ZNF804A: variants seen among roughly 807,000 people sequenced by gnomAD.
ZNF804A encodes the protein zinc finger protein 804A.
ZNF804A carries 2 observed loss-of-function variants against 16.5 expected under a neutral mutation model. That is an observed-to-expected ratio of 0.12 (90% CI 0.05 to 0.38). The LOEUF is 0.38. ZNF804A is among the 10% of genes least tolerant of loss of function. ZNF804A has a pLI of 0.99. For synonymous variants in ZNF804A, 534 were observed against 489.6 expected, an observed-to-expected ratio of 1.09 and a Z score of -1.20; for missense variants, 1,473 against 1,390.7, an observed-to-expected ratio of 1.06 and a Z score of -0.94.
At chr2:184,727,871 G>A (rs1559136319) in intron 1 of ZNF804A, among the ~76,000 whole-genome samples, 1 of 151,614 alleles carries the variant, frequency 6.6e-6, no homozygotes, top group Admixed American at 6.6e-5. Flanking sequence ...ATTTCATTTG[G>A]TATTGTTATT....
chr2:184,903,538 C>CA (rs1685219001), intron 2 of ZNF804A, among the ~76,000 whole-genome samples: 1 of 152,084 alleles, frequency 6.6e-6, no homozygotes, highest in Non-Finnish European at 1.5e-5. Flanking sequence ...TGCACAGTGA[C>CA]AAAATCACCT....
chr2:184,850,787 T>G (rs1159786599), intron 1 of ZNF804A, among the ~76,000 whole-genome samples: 1 of 151,808 alleles, frequency 6.6e-6, no homozygotes, highest in Admixed American at 6.6e-5. Flanking sequence ...TTAAAATAAT[T>G]ATATATTAAC....
At chr2:184,767,118 G>C (rs1375406303) in intron 1 of ZNF804A, among the ~76,000 whole-genome samples, 2 of 152,108 alleles carry the variant, frequency 1.3e-5, no homozygotes, top group Non-Finnish European at 2.9e-5. Context: ...CGGCCTCCAA[G>C]ACTGAGGAAT....
At chr2:184,703,708 A>AG (rs2105732624) in intron 1 of ZNF804A, among the ~76,000 whole-genome samples, 2 of 150,188 alleles carry the variant, frequency 1.3e-5, no homozygotes, top group South Asian at 4.2e-4. Flanking sequence ...AAAAAAAAAA[A>AG]AAAAGAAAGA....
In ZNF804A at chr2:184,676,259, T is replaced by C. The variant is rs1692431123; in HGVS notation, c.111+77189T>C. ...TATTAAATATTCTACAGTGAATATA[T>C]GAATTATTTAGCTAGGATATAGATA... On this transcript the variant is annotated intron_variant, in intron 1 of 3. Transcript: ENST00000302277. Among the ~76,000 whole-genome samples, 2 of 151,552 alleles carry C rather than the reference T, an allele frequency of 1.3e-5. 1 individual carries two copies. The highest frequency in any genetic ancestry group is 4.8e-5 in the African/African-American group (2 of 41,360).
chr2:184,743,964 C>A (rs1693744688), intron 1 of ZNF804A, among the ~76,000 whole-genome samples: 1 of 151,766 alleles, frequency 6.6e-6, no homozygotes, highest in Non-Finnish European at 1.5e-5. Flanking sequence ...GTGTGGTCAT[C>A]ATTATATTGA....
chr2:184,728,016 G>A (rs997136428), intron 1 of ZNF804A, among the ~76,000 whole-genome samples: 4 of 151,684 alleles, frequency 2.6e-5, no homozygotes, highest in Non-Finnish European at 4.4e-5. Flanking sequence ...ATAACCAGAT[G>A]CAGTAACAGG....
intron 1 of ZNF804A, among the ~76,000 whole-genome samples, chr2:184,843,150 T>C (rs187984432): frequency 3.9e-5 from 6 of 152,300 alleles, no homozygotes; most frequent in African/African-American, 1.4e-4. Flanking sequence ...GAACTTTCTT[T>C]GAGCACAAGA....
chr2:184,786,084 A>G (rs1308248053), intron 1 of ZNF804A, among the ~76,000 whole-genome samples: 2 of 152,048 alleles, frequency 1.3e-5, no homozygotes, highest in Non-Finnish European at 1.5e-5. Flanking sequence ...AATCCATGCA[A>G]AAGGACATCA....
In ZNF804A at chr2:184,680,641, A is replaced by G. The variant is rs531130652; in HGVS notation, c.111+81571A>G. 3.9e-5 allele frequency among the ~76,000 whole-genome samples: 6 copies of G among 152,382 alleles called. No individual in the cohort carries two copies. In the East Asian group the frequency reaches 9.6e-4, roughly 24 times the overall value. On this transcript the variant is annotated intron_variant, in intron 1 of 3. Coordinates refer to ENST00000302277, the MANE Select transcript of ZNF804A (RefSeq NM_194250.2). ...CACCGCTGAGCTGTATTGTCACTCAATAAAACACCTCTTTGTCTTGCTCAA... is the reference window on the plus strand; with the variant it reads ...CACCGCTGAGCTGTATTGTCACTCAGTAAAACACCTCTTTGTCTTGCTCAA...
intron 1 of ZNF804A, among the ~76,000 whole-genome samples, chr2:184,717,665 T>C (rs1488625850): frequency 6.6e-6 from 1 of 152,222 alleles, no homozygotes; most frequent in Non-Finnish European, 1.5e-5. Flanking sequence ...TACTCATAAT[T>C]ATATGTATTT....
chr2:184,652,564 AT>A (rs768312460), intron 1 of ZNF804A, among the ~76,000 whole-genome samples: 21 of 152,234 alleles, frequency 1.4e-4, no homozygotes, highest in African/African-American at 4.8e-4. Context: ...TTCTTGGCTA[AT>A]TCCTAGGGCA....
At position 184,598,993 on chromosome 2, in the gene ZNF804A, C is replaced by T. The variant is rs763580573; in HGVS notation, c.34C>T (p.His12Tyr). ...TTACTACATTGTCATCAGCTCCACG[C>T]ATCTCAGCAACGGACACTTTCGCAA... ...ECYYIVISST[H>Y]LSNGHFRNIK... The change falls in exon 1 of 4, where the codon CAT becomes TAT. Residue 12 changes from histidine to tyrosine, a missense_variant. His to Tyr is a moderately conservative substitution (Grantham distance 83). Transcript: ENST00000302277. 1.2e-6 allele frequency: 2 copies of T among 1,613,990 alleles called. No individual in the cohort carries two copies. The highest frequency in any genetic ancestry group is 2.2e-5 in the South Asian group (2 of 91,082).
chr2:184,605,980 G>T (rs1258295346), intron 1 of ZNF804A, among the ~76,000 whole-genome samples: 1 of 152,118 alleles, frequency 6.6e-6, no homozygotes, highest in East Asian at 1.9e-4. Context: ...TTTCATAATG[G>T]TTTAGCACCA....
intron 1 of ZNF804A, among the ~76,000 whole-genome samples, chr2:184,815,341 G>A (rs1342451513): frequency 6.6e-6 from 1 of 151,690 alleles, no homozygotes; most frequent in Non-Finnish European, 1.5e-5. Context: ...CCCTCACTTG[G>A]AGTTATTATT....
intron 1 of ZNF804A, among the ~76,000 whole-genome samples, chr2:184,726,865 A>T: frequency 6.6e-6 from 1 of 151,584 alleles, no homozygotes; most frequent in Non-Finnish European, 1.5e-5. Context: ...CCTAAATTTA[A>T]AAAAGAAAGG....
rs187659990 is a variant in ZNF804A, at chr2:184,787,028, G to T, written c.112-79341G>T. On this transcript the variant is annotated intron_variant, in intron 1 of 3. Transcript: ENST00000302277. ...GTTTGTTCCACCATATATGTGTAATGGTTGGGGTTGGGCTTCTAGTATACC... is the reference window on the plus strand; with the variant it reads ...GTTTGTTCCACCATATATGTGTAATTGTTGGGGTTGGGCTTCTAGTATACC... Among the ~76,000 whole-genome samples, 534 of 151,860 alleles carry T rather than the reference G, an allele frequency of 3.5e-3. 5 individuals carry two copies. The highest frequency in any genetic ancestry group is 0.01 in the Middle Eastern group (3 of 294).
intron 2 of ZNF804A, among the ~76,000 whole-genome samples, chr2:184,900,255 C>T (rs886803365): frequency 8.5e-5 from 13 of 152,106 alleles, no homozygotes; most frequent in Non-Finnish European, 1.5e-4. Context: ...GTTCCCTTCT[C>T]TTTGAAAACA....
At chr2:184,715,021 A>G (rs1382954329) in intron 1 of ZNF804A, among the ~76,000 whole-genome samples, 3 of 152,164 alleles carry the variant, frequency 2.0e-5, no homozygotes, top group Non-Finnish European at 1.5e-5. Context: ...GCCTTCTTCC[A>G]TATAAGGCTG....
Sources: allele counts gnomAD v4.1 joint callset (sites outside exome capture counted in the v4.1 genomes callset), GRCh38; gene constraint gnomAD v4.1.1; transcripts MANE v1.5; gene names NCBI Gene and HGNC (gene_info 2026-07-23, HGNC 2026-07-21).